SRGAP3: variants seen among roughly 807,000 people sequenced by gnomAD.
The protein encoded by SRGAP3 is SLIT-ROBO Rho GTPase activating protein 3, also known as SLIT-ROBO Rho GTPase-activating protein 3.
In SRGAP3, 39 loss-of-function variants were observed where a neutral mutation model predicts 121.1. That is an observed-to-expected ratio of 0.32 (90% confidence interval 0.25 to 0.42). The LOEUF (loss-of-function observed/expected upper bound fraction) is 0.42, where lower values mean the gene tolerates loss of function less well. Among genes scored for constraint, SRGAP3 ranks in the 10% least tolerant of loss-of-function variants. The pLI is 1.00. For missense variants in SRGAP3, 1,213 were observed against 1,470.6 expected, an observed-to-expected ratio of 0.82 and a Z score of 2.86; for synonymous variants, 601 against 570.0, an observed-to-expected ratio of 1.05 and a Z score of -0.77.
intron 3 of SRGAP3, among the ~76,000 whole-genome samples, chr3:9,281,420 C>T (rs1954674625): frequency 6.6e-6 from 1 of 152,060 alleles, no homozygotes; most frequent in South Asian, 2.1e-4. Flanking sequence ...ATGTGGACTC[C>T]TGGTTAAGGC....
chr3:9,107,537 C>A (rs1948461051), intron 2 of SRGAP3, among the ~76,000 whole-genome samples: 1 of 152,190 alleles, frequency 6.6e-6, no homozygotes. Flanking sequence ...ACTGTAGGTT[C>A]AGCTTAGATG....
At chr3:9,331,267 C>A (rs997663064) in intron 1 of SRGAP3, among the ~76,000 whole-genome samples, 2 of 152,220 alleles carry the variant, frequency 1.3e-5, no homozygotes, top group African/African-American at 4.8e-5. Flanking sequence ...AACTGCAAAG[C>A]ACTTTCCACA....
chr3:9,043,221 T>G (rs1559988159), intron 10 of SRGAP3, among the ~76,000 whole-genome samples: 2 of 152,350 alleles, frequency 1.3e-5, no homozygotes, highest in Middle Eastern at 3.4e-3. Context: ...TGGCGTGATC[T>G]TGGCTCACTG....
In SRGAP3 at chr3:8,983,797, A is replaced by T. The variant is rs1016473732; in HGVS notation, c.*1722T>A. The T allele has an allele frequency of 4.3e-6, 1 of 230,158 alleles. No individual in the cohort carries two copies. The highest frequency in any genetic ancestry group is 2.2e-5 in the African/African-American group (1 of 45,194). The allele number at this position is 230,158 out of a possible 1,614,324, so 14.3% of individuals were successfully genotyped here. A position where few individuals can be genotyped will look rare whatever the true frequency, so the allele number is the denominator to read the frequency against. On this transcript the variant is annotated 3_prime_UTR_variant, in exon 22 of 22. Coordinates refer to ENST00000383836, the MANE Select transcript of SRGAP3 (RefSeq NM_014850.4). ...CCCTATTTTATGGAGCAGAACAGTC[A>T]GGCTCAATGAGGTGGAGTGACAAAC...
At chr3:9,283,043 C>A (rs866242797) in intron 3 of SRGAP3, among the ~76,000 whole-genome samples, 2 of 151,330 alleles carry the variant, frequency 1.3e-5, no homozygotes, top group African/African-American at 2.4e-5. Context: ...TGGGTTCAAG[C>A]GATTCTCCCG....
At chr3:9,223,986 T>C (rs1177480037) in intron 1 of SRGAP3, among the ~76,000 whole-genome samples, 1 of 152,122 alleles carries the variant, frequency 6.6e-6, no homozygotes, top group Non-Finnish European at 1.5e-5. Context: ...CGGCTCCAGA[T>C]AGATCATTTC....
intron 18 of SRGAP3, among the ~76,000 whole-genome samples, chr3:8,998,331 T>C (rs1331391995): frequency 6.6e-6 from 1 of 152,232 alleles, no homozygotes; most frequent in Non-Finnish European, 1.5e-5. Flanking sequence ...TAATGCTATG[T>C]GCCGTTTGCT....
intron 1 of SRGAP3, among the ~76,000 whole-genome samples, chr3:9,196,922 A>C (rs1268100853): frequency 6.6e-6 from 1 of 152,070 alleles, no homozygotes; most frequent in Non-Finnish European, 1.5e-5. Context: ...TACATTTTCC[A>C]CTCTGGCATG....
chr3:9,338,167 G>A (rs1253013233), intron 1 of SRGAP3, among the ~76,000 whole-genome samples: 4 of 152,166 alleles, frequency 2.6e-5, no homozygotes, highest in African/African-American at 9.7e-5. Context: ...AGCAATCCAG[G>A]TCTGAAGTGA....
chr3:9,135,689 T>A (rs902772134), intron 1 of SRGAP3, among the ~76,000 whole-genome samples: 1 of 152,378 alleles, frequency 6.6e-6, no homozygotes, highest in African/African-American at 2.4e-5. Flanking sequence ...AGGATCAGAC[T>A]GGAAATAATG....
chr3:9,319,070 C>T (rs1955398990), intron 3 of SRGAP3, among the ~76,000 whole-genome samples: 1 of 151,848 alleles, frequency 6.6e-6, no homozygotes, highest in Non-Finnish European at 1.5e-5. Flanking sequence ...TAAATACATA[C>T]ACACACATAT....
chr3:9,104,876 T>A (rs770515517), intron 2 of SRGAP3, 34 bp from the exon 3 acceptor site: 1 of 1,613,706 alleles, frequency 6.2e-7, no homozygotes. Context: ...GTTGGCTACA[T>A]TGGAACTGTC....
intron 1 of SRGAP3, among the ~76,000 whole-genome samples, chr3:9,147,307 A>G (rs1950057237): frequency 6.6e-6 from 1 of 152,152 alleles, no homozygotes; most frequent in Non-Finnish European, 1.5e-5. Flanking sequence ...CCACCAGAGA[A>G]GTGGGGTAAG....
intron 1 of SRGAP3, among the ~76,000 whole-genome samples, chr3:9,204,350 G>C (rs951728463): frequency 6.6e-6 from 1 of 152,194 alleles, no homozygotes; most frequent in African/African-American, 2.4e-5. Flanking sequence ...AGCATGAAGA[G>C]AGTTCGGAGG....
chr3:9,132,491 T>C (rs560160722), intron 1 of SRGAP3, among the ~76,000 whole-genome samples: 176 of 152,350 alleles, frequency 1.2e-3, no homozygotes, highest in Non-Finnish European at 2.0e-3. Flanking sequence ...TCCCAGCATG[T>C]TATACAGCTG....
intron 3 of SRGAP3, among the ~76,000 whole-genome samples, chr3:9,295,689 T>C (rs1341089761): frequency 6.6e-6 from 1 of 152,218 alleles, no homozygotes; most frequent in African/African-American, 2.4e-5. Context: ...TACAGTTCAA[T>C]GACATTAAGT....
chr3:9,031,481 G>A (rs931554250), intron 12 of SRGAP3, among the ~76,000 whole-genome samples: 5 of 152,128 alleles, frequency 3.3e-5, no homozygotes, highest in African/African-American at 1.2e-4. Flanking sequence ...AGCAGCCCCT[G>A]ACATCCTTCG....
chr3:8,990,183 A>G (rs1171230471), intron 21 of SRGAP3, among the ~76,000 whole-genome samples: 1 of 152,248 alleles, frequency 6.6e-6, no homozygotes, highest in African/African-American at 2.4e-5. Context: ...AAATGAATGA[A>G]TGAGTGAATG....
chr3:9,245,437 G>A (rs903863687), intron 1 of SRGAP3, among the ~76,000 whole-genome samples: 7 of 152,198 alleles, frequency 4.6e-5, no homozygotes, highest in Non-Finnish European at 1.0e-4. Context: ...AGAGGAGAGT[G>A]GAGATGGTAA....
Sources: allele counts gnomAD v4.1 joint callset (sites outside exome capture counted in the v4.1 genomes callset), GRCh38; gene constraint gnomAD v4.1.1; transcripts MANE v1.5; gene names NCBI Gene and HGNC (gene_info 2026-07-23, HGNC 2026-07-21).